Variants in SLC7A2 observed in about 807,000 individuals in gnomAD.
SLC7A2 encodes the protein cationic amino acid transporter 2.
A neutral mutation model predicts 58.9 loss-of-function variants in SLC7A2; 48 were observed. That is an observed-to-expected ratio of 0.82 (90% CI 0.65 to 1.04). The LOEUF is 1.04. Ranked by LOEUF, SLC7A2 falls within the 50% of genes least tolerant of loss-of-function variation. The pLI, the probability that SLC7A2 is intolerant of heterozygous loss-of-function variation, is 0.00. For synonymous variants in SLC7A2, 363 were observed against 314.5 expected (o/e 1.15, Z -1.63); for missense variants, 1,029 against 818.8 (o/e 1.26, Z -3.13).
intron 2 of SLC7A2, among the ~76,000 whole-genome samples, chr8:17,505,289 A>G (rs765605068): frequency 3.9e-5 from 6 of 152,200 alleles, no homozygotes; most frequent in Non-Finnish European, 7.4e-5. Flanking sequence ...CAACTTCTCG[A>G]AGAAATATCT....
intron 2 of SLC7A2, among the ~76,000 whole-genome samples, chr8:17,529,840 A>G (rs1365642914): frequency 6.6e-6 from 1 of 152,104 alleles, no homozygotes; most frequent in Non-Finnish European, 1.5e-5. Context: ...CCTGGCCCAG[A>G]GGGACATTTT....
intron 2 of SLC7A2, among the ~76,000 whole-genome samples, chr8:17,517,730 G>T (rs1435298084): frequency 6.6e-6 from 1 of 152,020 alleles, no homozygotes; most frequent in Non-Finnish European, 1.5e-5. Context: ...AAATCTATTG[G>T]AGATGAAGTT....
At chr8:17,523,782 AG>A (rs1215663327) in intron 2 of SLC7A2, among the ~76,000 whole-genome samples, 10 of 152,230 alleles carry the variant, frequency 6.6e-5, no homozygotes, top group African/African-American at 2.2e-4. Flanking sequence ...TAAACTAAAA[AG>A]CTTCTCCACA....
At chr8:17,546,961 A>G (rs532485731) in intron 4 of SLC7A2, among the ~76,000 whole-genome samples, 1 of 152,318 alleles carries the variant, frequency 6.6e-6, no homozygotes, top group East Asian at 1.9e-4. Flanking sequence ...TTAATGTTTA[A>G]GAGATTTTTT....
chr8:17,529,417 T>A (rs1207503113), intron 2 of SLC7A2, among the ~76,000 whole-genome samples: 1 of 152,174 alleles, frequency 6.6e-6, no homozygotes, highest in Non-Finnish European at 1.5e-5. Flanking sequence ...TTCCCTTCAT[T>A]GGGGATGGGG....
intron 2 of SLC7A2, among the ~76,000 whole-genome samples, chr8:17,513,724 A>G (rs1383269430): frequency 6.6e-6 from 1 of 152,218 alleles, no homozygotes; most frequent in East Asian, 1.9e-4. Flanking sequence ...AAGCTAGCCT[A>G]AGAAATAACT....
intron 1 of SLC7A2, among the ~76,000 whole-genome samples, chr8:17,501,250 G>A (rs2150639073): frequency 1.3e-5 from 2 of 152,256 alleles, no homozygotes; most frequent in Middle Eastern, 6.8e-3. Flanking sequence ...CTGGCCTCAA[G>A]TGATCCGCCT....
chr8:17,498,291 A>G (rs1800028774), intron 1 of SLC7A2, among the ~76,000 whole-genome samples: 1 of 152,238 alleles, frequency 6.6e-6, no homozygotes, highest in South Asian at 2.1e-4. Flanking sequence ...CGCCTGGGTT[A>G]TAAAATTAGA....
chr8:17,496,945 G>T (rs1352137889), upstream of SLC7A2: 3 of 151,588 alleles, frequency 2.0e-5, no homozygotes, highest in Admixed American at 2.0e-4. Context: ...CGCCCACCCC[G>T]GGGATTGGTC....
chr8:17,501,102 C>T (rs1800142404), intron 1 of SLC7A2, among the ~76,000 whole-genome samples: 1 of 151,914 alleles, frequency 6.6e-6, no homozygotes, highest in Non-Finnish European at 1.5e-5. Flanking sequence ...CAACTTTCAC[C>T]TCGTGGGTTC....
At chr8:17,504,790 A>T (rs987024414) in intron 2 of SLC7A2, among the ~76,000 whole-genome samples, 2 of 152,186 alleles carry the variant, frequency 1.3e-5, no homozygotes, top group Non-Finnish European at 2.9e-5. Flanking sequence ...TGAGTAACTG[A>T]CTCAAACAGG....
At chr8:17,532,221 C>G (rs892565816) in intron 2 of SLC7A2, among the ~76,000 whole-genome samples, 21 of 91,216 alleles carry the variant, frequency 2.3e-4, no homozygotes, top group Non-Finnish European at 3.3e-4. Context: ...CAGGGCAAGA[C>G]TCTATCTCAA....
chr8:17,531,535 T>C (rs1801450950), intron 2 of SLC7A2, among the ~76,000 whole-genome samples: 1 of 152,120 alleles, frequency 6.6e-6, no homozygotes, highest in African/African-American at 2.4e-5. Context: ...AACCTACTTT[T>C]CACACTTTAT....
rs1368040501 is a variant in SLC7A2, at chr8:17,568,397, T to C, written c.*3251T>C. On this transcript the variant is annotated 3_prime_UTR_variant, in exon 13 of 13. Transcript: ENST00000494857. ...AAAATACTGATTATCTTAATCACAT[T>C]TTCCCCAGAGATAAACATTGAGAGA... is the stretch of plus-strand genomic sequence containing the variant. 6.6e-6 allele frequency: 1 copy of C among 152,120 alleles called. No homozygotes were observed. The highest frequency in any genetic ancestry group is 1.5e-5 in the Non-Finnish European group (1 of 68,030). The allele number at this position is 152,120 out of a possible 1,614,324, so 9.4% of individuals were successfully genotyped here. A position where few individuals can be genotyped will look rare whatever the true frequency, so the allele number is the denominator to read the frequency against.
At chr8:17,527,301 A>G (rs1183949588) in intron 2 of SLC7A2, among the ~76,000 whole-genome samples, 1 of 152,222 alleles carries the variant, frequency 6.6e-6, no homozygotes, top group Non-Finnish European at 1.5e-5. Flanking sequence ...TTAGCCGACT[A>G]CAAACCAAAT....
chr8:17,495,351 C>A (rs979028131), upstream of SLC7A2, among the ~76,000 whole-genome samples: 1 of 152,066 alleles, frequency 6.6e-6, no homozygotes, highest in Non-Finnish European at 1.5e-5. Context: ...GCCTCCTAGC[C>A]GTGGGATTGA....
intron 2 of SLC7A2, chr8:17,538,757 A>G (rs1801780615): frequency 1.0e-5 from 16 of 1,600,480 alleles, no homozygotes; most frequent in Non-Finnish European, 1.2e-5. Flanking sequence ...ATACGATTTA[A>G]TTACTTTTTT....
rs1585239904 is a variant in SLC7A2, at chr8:17,543,730, G to T, written c.376+15G>T. On this transcript the variant is annotated intron_variant, in intron 3 of 12. Transcript: ENST00000494857. ...GTATGTGATAGGTATGTTTCAAAAAGAAATCTAACTTGTGTGGAATGGAAG... is the reference window on the plus strand; with the variant it reads ...GTATGTGATAGGTATGTTTCAAAAATAAATCTAACTTGTGTGGAATGGAAG... The T allele has an allele frequency of 1.3e-6, 2 of 1,512,030 alleles. No homozygotes were observed. Among genetic ancestry groups the T allele is most frequent in the African/African-American group, 1.4e-5 (1 of 71,558 alleles). The allele number at this position is 1,512,030 out of a possible 1,614,324, so 93.7% of individuals were successfully genotyped here.
chr8:17,554,734 G>A (rs200478858), intron 8 of SLC7A2, 35 bp downstream of exon 8: 1 of 1,582,926 alleles, frequency 6.3e-7, no homozygotes, highest in South Asian at 1.2e-5. Context: ...AGAAACGGGG[G>A]ATCTTTTTCA....
Sources: allele counts gnomAD v4.1 joint callset (sites outside exome capture counted in the v4.1 genomes callset), GRCh38; gene constraint gnomAD v4.1.1; transcripts MANE v1.5; gene names NCBI Gene and HGNC (gene_info 2026-07-23, HGNC 2026-07-21).